GPR158: variants seen among roughly 807,000 people sequenced by gnomAD.
GPR158 encodes metabotropic glycine receptor.
A neutral mutation model predicts 78.2 loss-of-function variants in GPR158; 30 were observed. That is an observed-to-expected ratio of 0.38 (90% CI 0.29 to 0.52). GPR158 has a LOEUF of 0.52. Among genes scored for constraint, GPR158 ranks in the 20% least tolerant of loss-of-function variants. The pLI, the probability that GPR158 is intolerant of heterozygous loss-of-function variation, is 0.83. For missense variants in GPR158, 1,463 were observed against 1,523.5 expected (o/e 0.96, Z 0.66); for synonymous variants, 581 against 591.1 (o/e 0.98, Z 0.25).
intron 2 of GPR158, among the ~76,000 whole-genome samples, chr10:25,349,914 G>T: frequency 6.6e-6 from 1 of 151,962 alleles, no homozygotes; most frequent in East Asian, 1.9e-4. Context: ...CTAAAGGAAA[G>T]CCGTACTTGA....
intron 4 of GPR158, among the ~76,000 whole-genome samples, chr10:25,461,703 C>A (rs1434225141): frequency 6.6e-6 from 1 of 151,154 alleles, no homozygotes; most frequent in East Asian, 1.9e-4. Flanking sequence ...AAATAGCCCT[C>A]TACTGGAAGA....
At chr10:25,348,909 A>G (rs910309075) in intron 2 of GPR158, among the ~76,000 whole-genome samples, 2 of 152,058 alleles carry the variant, frequency 1.3e-5, no homozygotes, top group Non-Finnish European at 1.5e-5. Flanking sequence ...TTTGGAGCCT[A>G]AAGAAAAGCA....
At chr10:25,398,390 T>G (rs1834396457) in intron 3 of GPR158, among the ~76,000 whole-genome samples, 1 of 152,200 alleles carries the variant, frequency 6.6e-6, no homozygotes, top group African/African-American at 2.4e-5. Context: ...TTTTTCACGT[T>G]TATGGTCCAG....
intron 6 of GPR158, among the ~76,000 whole-genome samples, chr10:25,569,146 A>G (rs911543774): frequency 1.3e-5 from 2 of 152,206 alleles, no homozygotes; most frequent in Non-Finnish European, 2.9e-5. Context: ...TGGAAGACTC[A>G]TGAGGGATTT....
intron 1 of GPR158, among the ~76,000 whole-genome samples, chr10:25,205,688 A>G (rs1189001257): frequency 6.6e-6 from 1 of 152,106 alleles, no homozygotes; most frequent in African/African-American, 2.4e-5. Flanking sequence ...ACCAAAAGCT[A>G]TTCAGAAGTT....
chr10:25,378,054 C>G (rs1834106269), intron 2 of GPR158, among the ~76,000 whole-genome samples: 1 of 152,088 alleles, frequency 6.6e-6, no homozygotes, highest in Admixed American at 6.6e-5. Context: ...TATTGTTTAA[C>G]CATCCTAGTA....
Position 25,594,383 on chromosome 10 carries a change from CT to C in GPR158, c.1988del (p.Leu663Ter). 1 of 1,495,684 alleles carries C rather than the reference CT, an allele frequency of 6.7e-7. No homozygotes were observed. The highest frequency in any genetic ancestry group is 9.2e-7 in the Non-Finnish European group (1 of 1,082,614). 92.7% of individuals were successfully genotyped at this position (1,495,684 alleles called of 1,614,324 possible). ...GACTGTGACAGTCACCATTGGGTTG[CT>C]TTTGATTCCAAAGGTATTCTTCTAA... is the stretch of plus-strand genomic sequence containing the variant. ...HLTVTVTIGLLLIPKFSHSSN... is the reference protein window; with the variant it reads ...HLTVTVTIGLXLIPKFSHSSN... On this transcript the variant is annotated frameshift_variant, in exon 9 of 11. Coordinates refer to ENST00000376351, the MANE Select transcript of GPR158 (RefSeq NM_020752.3). LOFTEE classifies it high-confidence loss of function.
chr10:25,463,731 A>ATGGGGGTGTCTTTCTGTC (rs1225395792), intron 4 of GPR158, among the ~76,000 whole-genome samples: 1 of 150,734 alleles, frequency 6.6e-6, no homozygotes, highest in Non-Finnish European at 1.5e-5. Flanking sequence ...CCCCATACAC[A>ATGGGGGTGTCTTTCTGTC]CTTAGTGTCT....
intron 2 of GPR158, among the ~76,000 whole-genome samples, chr10:25,246,539 G>A (rs1303242286): frequency 1.3e-5 from 2 of 152,162 alleles, no homozygotes; most frequent in South Asian, 2.1e-4. Context: ...AATTAAATAT[G>A]TAAAAGCTGA....
At chr10:25,310,300 C>A (rs1043200223) in intron 2 of GPR158, among the ~76,000 whole-genome samples, 4 of 152,166 alleles carry the variant, frequency 2.6e-5, no homozygotes, top group African/African-American at 9.7e-5. Flanking sequence ...GATTCCCATA[C>A]GTTTGCAGTA....
intron 4 of GPR158, among the ~76,000 whole-genome samples, chr10:25,440,483 G>A (rs947043435): frequency 9.9e-5 from 15 of 152,178 alleles, no homozygotes. Context: ...TTCTAATGGT[G>A]CCTAAGAAAT....
rs140415287 is a variant in GPR158, at chr10:25,552,312, C to A, written c.1514+1227C>A. On this transcript the variant is annotated intron_variant, in intron 6 of 10. Coordinates refer to ENST00000376351, the MANE Select transcript of GPR158 (RefSeq NM_020752.3). ...ATCACAGCACACTTCCCTCCGGCAT[C>A]CTTCTTCAACTACCTTCCAGGTTTC... 5.5e-3 allele frequency among the ~76,000 whole-genome samples: 841 copies of A among 152,294 alleles called. 5 individuals carry two copies. Among genetic ancestry groups the A allele is most frequent in the African/African-American group, 0.019 (794 of 41,558 alleles).
intron 2 of GPR158, among the ~76,000 whole-genome samples, chr10:25,335,552 A>G (rs866004298): frequency 2.8e-4 from 42 of 151,930 alleles, no homozygotes; most frequent in African/African-American, 9.9e-4. Flanking sequence ...TAAATGCAGG[A>G]GTTTACTTTT....
At chr10:25,319,708 G>A (rs1052857723) in intron 2 of GPR158, among the ~76,000 whole-genome samples, 1 of 151,828 alleles carries the variant, frequency 6.6e-6, no homozygotes, top group Non-Finnish European at 1.5e-5. Flanking sequence ...TAATCACATC[G>A]GCGACATCGT....
intron 1 of GPR158, among the ~76,000 whole-genome samples, chr10:25,207,657 T>C (rs1328431667): frequency 1.3e-5 from 2 of 152,144 alleles, no homozygotes; most frequent in Non-Finnish European, 2.9e-5. Context: ...CCTCCTGCTG[T>C]GCGGCCTGGT....
intron 2 of GPR158, among the ~76,000 whole-genome samples, chr10:25,379,127 C>T (rs565093884): frequency 6.6e-6 from 1 of 152,130 alleles, no homozygotes; most frequent in African/African-American, 2.4e-5. Context: ...TTTCAATATA[C>T]GTCTTAAATC....
chr10:25,588,082 G>A (rs541111388), intron 7 of GPR158, among the ~76,000 whole-genome samples: 11 of 152,218 alleles, frequency 7.2e-5, no homozygotes, highest in Admixed American at 7.2e-4. Context: ...TTAGTTTGGG[G>A]AAAAAAGTCA....
At chr10:25,203,146 G>T (rs1852959696) in intron 1 of GPR158, among the ~76,000 whole-genome samples, 1 of 152,146 alleles carries the variant, frequency 6.6e-6, no homozygotes, top group South Asian at 2.1e-4. Flanking sequence ...GTAGATTCTG[G>T]ATATTAGCCC....
intron 5 of GPR158, among the ~76,000 whole-genome samples, chr10:25,545,028 G>A (rs1836643232): frequency 6.6e-6 from 1 of 152,156 alleles, no homozygotes; most frequent in Admixed American, 6.6e-5. Flanking sequence ...CCCTGCAAAG[G>A]ACATGAACTC....
Sources: allele counts gnomAD v4.1 joint callset (sites outside exome capture counted in the v4.1 genomes callset), GRCh38; gene constraint gnomAD v4.1.1; transcripts MANE v1.5; gene names NCBI Gene and HGNC (gene_info 2026-07-23, HGNC 2026-07-21).